Variants in GRIP1 observed in about 807,000 individuals in gnomAD.
GRIP1 encodes glutamate receptor-interacting protein 1.
GRIP1 carries 45 observed loss-of-function variants against 129.9 expected under a neutral mutation model. That is an observed-to-expected ratio of 0.35 (90% confidence interval 0.27 to 0.44). The LOEUF (loss-of-function observed/expected upper bound fraction) is 0.44, where lower values mean the gene tolerates loss of function less well. Among genes scored for constraint, GRIP1 ranks in the 20% least tolerant of loss-of-function variants. GRIP1 has a pLI of 1.00. For missense variants in GRIP1, 1,196 were observed against 1,396.8 expected (o/e 0.86, Z 2.29); for synonymous variants, 530 against 520.8 (o/e 1.02, Z -0.24).
intron 6 of GRIP1, 50 bp downstream of exon 6, chr12:66,517,851 C>A (rs753468007): frequency 1.0e-6 from 1 of 956,758 alleles, no homozygotes. Flanking sequence ...TTAAAGTCCC[C>A]AGCTTTATTT....
intron 1 of GRIP1, among the ~76,000 whole-genome samples, chr12:66,897,698 A>G (rs2040774156): frequency 6.6e-6 from 1 of 152,204 alleles, no homozygotes; most frequent in Non-Finnish European, 1.5e-5. Context: ...AAAACAGGGG[A>G]AATTAACGCT....
intron 1 of GRIP1, among the ~76,000 whole-genome samples, chr12:66,697,888 C>T (rs918288882): frequency 5.9e-5 from 9 of 151,506 alleles, no homozygotes; most frequent in Admixed American, 4.6e-4. Context: ...TCAAGACCCC[C>T]TCAACAAAGC....
At chr12:66,708,177 C>T (rs751426234) in intron 1 of GRIP1, among the ~76,000 whole-genome samples, 2 of 151,928 alleles carry the variant, frequency 1.3e-5, no homozygotes, top group Non-Finnish European at 2.9e-5. Flanking sequence ...TCCTGGGACA[C>T]ATGGATTTCA....
chr12:67,037,674 G>T (rs1010343491), intron 1 of GRIP1, among the ~76,000 whole-genome samples: 10 of 151,886 alleles, frequency 6.6e-5, no homozygotes, highest in African/African-American at 2.4e-4. Context: ...TATTAAAAAA[G>T]GACTAAATCT....
At chr12:66,609,049 G>C (rs2064676004) in intron 1 of GRIP1, among the ~76,000 whole-genome samples, 1 of 151,288 alleles carries the variant, frequency 6.6e-6, no homozygotes, top group Non-Finnish European at 1.5e-5. Flanking sequence ...TTTGAGTAGG[G>C]GATTTACTTT....
intron 7 of GRIP1, among the ~76,000 whole-genome samples, chr12:66,479,017 C>A (rs1460529661): frequency 1.3e-5 from 2 of 148,566 alleles, no homozygotes; most frequent in African/African-American, 5.0e-5. Flanking sequence ...ACCCTAGAAC[C>A]TAAAGTATAA....
intron 2 of GRIP1, among the ~76,000 whole-genome samples, chr12:66,588,186 C>G (rs1392890114): frequency 6.6e-6 from 1 of 151,718 alleles, no homozygotes; most frequent in East Asian, 1.9e-4. Context: ...TAGTTAAAAG[C>G]CTTCTTGGCC....
At position 66,963,375 on chromosome 12, in the gene GRIP1, T is replaced by G. The variant is rs117516289; in HGVS notation, c.58+105675A>C. Reference sequence around the variant, plus strand: ...TTAATAATTAAAAATGAGTGAACAATTATTGAATGCACATTCTAATACTAA... The same window carrying G: ...TTAATAATTAAAAATGAGTGAACAAGTATTGAATGCACATTCTAATACTAA... On this transcript the variant is annotated intron_variant, in intron 1 of 1. Coordinates refer to the GRIP1 transcript ENST00000643019. Among the ~76,000 whole-genome samples the G allele has an allele frequency of 7.9e-5, 12 of 152,180 alleles. No individual in the cohort carries two copies. In the East Asian group the frequency reaches 2.3e-3, roughly 29 times the overall value.
chr12:66,802,995 A>G (rs2038901906), intron 1 of GRIP1, among the ~76,000 whole-genome samples: 1 of 152,196 alleles, frequency 6.6e-6, no homozygotes, highest in South Asian at 2.1e-4. Flanking sequence ...TTCTTGTATT[A>G]TTGCCACCAC....
At chr12:66,605,619 C>A (rs1352504067) in intron 1 of GRIP1, among the ~76,000 whole-genome samples, 1 of 152,196 alleles carries the variant, frequency 6.6e-6, no homozygotes, top group East Asian at 1.9e-4. Flanking sequence ...GCCTTTAATG[C>A]TCTCACCTGT....
At chr12:66,871,856 A>G (rs1180577741) in intron 1 of GRIP1, among the ~76,000 whole-genome samples, 1 of 152,072 alleles carries the variant, frequency 6.6e-6, no homozygotes, top group East Asian at 1.9e-4. Context: ...TGACCTATAT[A>G]AATTGGTACA....
chr12:66,554,550 A>C (rs1405906432), intron 2 of GRIP1, among the ~76,000 whole-genome samples: 1 of 152,224 alleles, frequency 6.6e-6, no homozygotes, highest in South Asian at 2.1e-4. Context: ...CAACTTAGGT[A>C]CCAGTTTGGC....
At chr12:67,054,758 T>C (rs1040125187) in intron 1 of GRIP1, among the ~76,000 whole-genome samples, 1 of 140,948 alleles carries the variant, frequency 7.1e-6, no homozygotes, top group Non-Finnish European at 1.5e-5. Context: ...AGCAAGACAG[T>C]ATTGAAAAAA....
At chr12:67,060,315 CAT>C (rs1321386749) in intron 1 of GRIP1, among the ~76,000 whole-genome samples, 1 of 152,152 alleles carries the variant, frequency 6.6e-6, no homozygotes, top group Admixed American at 6.5e-5. Flanking sequence ...CAGCAAGTAC[CAT>C]ATTCACACTG....
At chr12:66,873,455 GA>G (rs1290244876) in intron 1 of GRIP1, among the ~76,000 whole-genome samples, 7 of 152,032 alleles carry the variant, frequency 4.6e-5, no homozygotes, top group African/African-American at 1.4e-4. Flanking sequence ...CAGAAGTTCA[GA>G]CAGCCAGAGT....
chr12:66,909,123 G>A (rs377736143), intron 1 of GRIP1, among the ~76,000 whole-genome samples: 17 of 151,890 alleles, frequency 1.1e-4, no homozygotes, highest in South Asian at 1.0e-3. Flanking sequence ...TAATCTTTTT[G>A]AAAAATCTCC....
rs999502866 is a variant in GRIP1, at chr12:66,914,912, T to A, written c.58+154138A>T. ...GGCTGAAGCAAGAGGATCACTTGAA[T>A]CCAGGAGTTTGAGTCCAGCATGGGC... On this transcript the variant is annotated intron_variant, in intron 1 of 1. Coordinates refer to the GRIP1 transcript ENST00000643019. Among the ~76,000 whole-genome samples, 3 of 152,140 alleles carry A rather than the reference T, an allele frequency of 2.0e-5. No individual in the cohort carries two copies. The East Asian group carries it at 5.8e-4, about 29-fold the overall frequency.
intron 1 of GRIP1, among the ~76,000 whole-genome samples, chr12:66,654,753 G>C (rs1355266270): frequency 6.6e-6 from 1 of 152,150 alleles, no homozygotes; most frequent in Non-Finnish European, 1.5e-5. Context: ...GAGGATGTCT[G>C]CGCCATTATG....
At chr12:66,385,725 T>G (rs1433435707) in intron 19 of GRIP1, among the ~76,000 whole-genome samples, 1 of 152,048 alleles carries the variant, frequency 6.6e-6, no homozygotes, top group Non-Finnish European at 1.5e-5. Flanking sequence ...TTCTCCTGCC[T>G]CAGCTTCCTG....
Sources: allele counts gnomAD v4.1 joint callset (sites outside exome capture counted in the v4.1 genomes callset), GRCh38; gene constraint gnomAD v4.1.1; transcripts MANE v1.5; gene names NCBI Gene and HGNC (gene_info 2026-07-23, HGNC 2026-07-21).